The following KIF2A variants were observed in gnomAD, a reference collection of about 807,000 sequenced individuals.
The protein encoded by KIF2A is kinesin family member 2A.
In KIF2A, 22 loss-of-function variants were observed where a neutral mutation model predicts 100.2. That is an observed-to-expected ratio of 0.22 (90% CI 0.16 to 0.31). KIF2A has a LOEUF of 0.31. Among genes scored for constraint, KIF2A ranks in the 10% least tolerant of loss-of-function variants. The pLI is 1.00. For missense variants in KIF2A, 495 were observed against 898.7 expected (o/e 0.55, Z 5.74); for synonymous variants, 268 against 285.9 (o/e 0.94, Z 0.63).
At chr5:62,333,271 T>C (rs528504518) in intron 1 of KIF2A, among the ~76,000 whole-genome samples, 1 of 152,208 alleles carries the variant, frequency 6.6e-6, no homozygotes, top group Non-Finnish European at 1.5e-5. Context: ...AGGTGTTCTA[T>C]TGGGAAAATA....
chr5:62,314,758 G>GTTTT (rs34987605), intron 1 of KIF2A, among the ~76,000 whole-genome samples: 2,215 of 100,820 alleles, frequency 0.022, 116 homozygotes, highest in Non-Finnish European at 0.03. Context: ...AGAATGAACT[G>GTTTT]TTTTTTTTTT....
At chr5:62,365,104 A>T in intron 14 of KIF2A, 139 bp from the exon 15 acceptor site, 2 of 454,254 alleles carry the variant, frequency 4.4e-6, no homozygotes, top group Non-Finnish European at 3.9e-6. Flanking sequence ...AAAAAAAAAT[A>T]AAACTGTTAG....
intron 1 of KIF2A, among the ~76,000 whole-genome samples, chr5:62,317,354 A>T (rs1398548236): frequency 6.6e-6 from 1 of 152,166 alleles, no homozygotes; most frequent in Non-Finnish European, 1.5e-5. Context: ...AGCCACCTAT[A>T]AGATTTTTAA....
Position 62,387,027 on chromosome 5 carries a change from T to TAGAG in KIF2A, c.*1459_*1462dup, listed in dbSNP as rs1409433676. Among the ~76,000 whole-genome samples, 3 of 152,146 alleles carry TAGAG rather than the reference T, an allele frequency of 2.0e-5. No individual in the cohort carries two copies. Among genetic ancestry groups the TAGAG allele is most frequent in the Admixed American group, 2.0e-4 (3 of 15,268 alleles). On this transcript the variant is annotated 3_prime_UTR_variant, in exon 21 of 21. Coordinates refer to ENST00000407818, the MANE Select transcript of KIF2A (RefSeq NM_001098511.3). Reference sequence around the variant, plus strand: ...ACAGGAGCCAAAGGGGAGCTATGAATAGAGGGTCACATGAGCCAGATTCTT... The same window carrying TAGAG: ...ACAGGAGCCAAAGGGGAGCTATGAATAGAGAGAGGGTCACATGAGCCAGATTCTT...
chr5:62,386,544 A>C lies in KIF2A; in HGVS notation c.*975A>C, dbSNP rs1001040204. On this transcript the variant is annotated 3_prime_UTR_variant, in exon 21 of 21. Transcript: ENST00000407818. The stretch of plus-strand genomic sequence containing the variant: ...ACCTTTTCTATGTACTGTTAAAAGA[A>C]ATTGGCTTCTGATGCATGAACATTT... Among the ~76,000 whole-genome samples, 1 of 152,236 alleles carries C rather than the reference A, an allele frequency of 6.6e-6. No homozygotes were observed. The highest frequency in any genetic ancestry group is 1.5e-5 in the Non-Finnish European group (1 of 68,048).
intron 1 of KIF2A, among the ~76,000 whole-genome samples, chr5:62,341,519 C>T (rs1747292199): frequency 6.6e-6 from 1 of 151,914 alleles, no homozygotes; most frequent in Admixed American, 6.6e-5. Context: ...CCAACCTAGT[C>T]TCAAACTCCT....
intron 1 of KIF2A, among the ~76,000 whole-genome samples, chr5:62,332,203 T>A (rs1052542116): frequency 1.3e-5 from 2 of 152,214 alleles, no homozygotes; most frequent in Non-Finnish European, 2.9e-5. Flanking sequence ...AATGAATATA[T>A]GAGCTTTTAT....
In KIF2A at chr5:62,388,970, T is replaced by C; in HGVS notation, c.*3401T>C. 1 of 1,568,454 alleles carries C rather than the reference T, an allele frequency of 6.4e-7. No individual in the cohort carries two copies. On this transcript the variant is annotated 3_prime_UTR_variant, in exon 21 of 21. Coordinates refer to ENST00000407818, the MANE Select transcript of KIF2A (RefSeq NM_001098511.3). ...TCAAATACAAAAAATACAAAATTCA[T>C]TTCTTTTCTTGACCTTGAAAATTTC...
chr5:62,362,851 G>A (rs564089360), intron 12 of KIF2A, among the ~76,000 whole-genome samples: 1 of 152,270 alleles, frequency 6.6e-6, no homozygotes, highest in African/African-American at 2.4e-5. Context: ...AATTGCCACA[G>A]GATCTCGCTG....
intron 1 of KIF2A, among the ~76,000 whole-genome samples, chr5:62,317,672 G>T (rs1451991634): frequency 6.6e-6 from 1 of 152,102 alleles, no homozygotes; most frequent in Non-Finnish European, 1.5e-5. Context: ...CCTTTCTAGG[G>T]TATACTTTTT....
At chr5:62,370,791 T>C (rs1464190554) in intron 16 of KIF2A, among the ~76,000 whole-genome samples, 3 of 151,758 alleles carry the variant, frequency 2.0e-5, no homozygotes, top group Non-Finnish European at 4.4e-5. Flanking sequence ...GTGATTAGAG[T>C]GATTAGGAGT....
intron 16 of KIF2A, among the ~76,000 whole-genome samples, chr5:62,368,505 G>A (rs1295217018): frequency 2.6e-5 from 4 of 152,040 alleles, no homozygotes; most frequent in Non-Finnish European, 5.9e-5. Context: ...GGCCAGGCGC[G>A]GTGGCTTACA....
intron 12 of KIF2A, 67 bp from the exon 13 acceptor site, chr5:62,363,101 TACAGGCGTGA>T (rs1036350120): frequency 8.1e-7 from 1 of 1,231,012 alleles, no homozygotes; most frequent in African/African-American, 1.5e-5. Context: ...ATGCTGGGAT[TACAGGCGTGA>T]GCCATTGCAC....
At chr5:62,324,850 A>C (rs1449525691) in intron 1 of KIF2A, among the ~76,000 whole-genome samples, 1 of 137,814 alleles carries the variant, frequency 7.3e-6, no homozygotes, top group African/African-American at 2.6e-5. Flanking sequence ...AAAAGAAAAA[A>C]AATGACAAAT....
intron 1 of KIF2A, among the ~76,000 whole-genome samples, chr5:62,335,754 G>A (rs1746911078): frequency 6.6e-6 from 1 of 152,114 alleles, no homozygotes; most frequent in Non-Finnish European, 1.5e-5. Flanking sequence ...AAAAAATTGA[G>A]AAAACTCCTT....
intron 1 of KIF2A, among the ~76,000 whole-genome samples, chr5:62,330,355 AAAAG>A (rs768797448): frequency 1.8e-4 from 27 of 152,348 alleles, no homozygotes; most frequent in Middle Eastern, 3.4e-3. Flanking sequence ...AAAGAGAAAA[AAAAG>A]AAAGAATAAT....
intron 16 of KIF2A, among the ~76,000 whole-genome samples, chr5:62,367,677 G>C (rs1741142862): frequency 6.6e-6 from 1 of 152,130 alleles, no homozygotes; most frequent in Middle Eastern, 3.2e-3. Context: ...ATGCATTACA[G>C]ACTACTAAAG....
chr5:62,327,497 T>C (rs938940037), intron 1 of KIF2A, among the ~76,000 whole-genome samples: 1 of 152,190 alleles, frequency 6.6e-6, no homozygotes, highest in Non-Finnish European at 1.5e-5. Flanking sequence ...ATCCCCAAGC[T>C]TTTTTCTTCA....
Position 62,321,929 on chromosome 5 carries a change from C to CT in KIF2A, c.64+15402dup, listed in dbSNP as rs1169550542. Among the ~76,000 whole-genome samples the CT allele has an allele frequency of 4.0e-3, 612 of 151,284 alleles. 5 individuals are homozygous for CT. Among genetic ancestry groups the CT allele is most frequent in the African/African-American group, 0.014 (566 of 41,262 alleles). On this transcript the variant is annotated intron_variant, in intron 1 of 20. Coordinates refer to ENST00000407818, the MANE Select transcript of KIF2A (RefSeq NM_001098511.3). Reference sequence around the variant, plus strand: ...CACTTTATAATTTGGTATGTTTTCTCTTTTTTTTTGAGACAGCGTCTCACT... The same window carrying CT: ...CACTTTATAATTTGGTATGTTTTCTCTTTTTTTTTTGAGACAGCGTCTCACT...
Sources: gnomAD v4.1 joint callset for allele counts (sites outside exome capture counted in the v4.1 genomes callset) on GRCh38, gnomAD v4.1.1 for gene constraint, MANE v1.5 for transcripts, NCBI Gene and HGNC (gene_info 2026-07-23, HGNC 2026-07-21) for gene names.